The following NPIPB2 variants were observed in gnomAD, a reference collection of about 807,000 sequenced individuals.
NPIPB2 encodes nuclear pore complex interacting protein family member B2, also known as nuclear pore complex-interacting protein family member B2.
A neutral mutation model predicts 30.8 loss-of-function variants in NPIPB2; 27 were observed. The observed-to-expected ratio is 0.88, with a 90% confidence interval of 0.65 to 1.21. NPIPB2 has a LOEUF of 1.21. NPIPB2 is among the 50% of genes most tolerant of loss of function. The pLI, the probability that NPIPB2 is intolerant of heterozygous loss-of-function variation, is 0.00. For missense variants in NPIPB2, 440 were observed against 446.2 expected, an observed-to-expected ratio of 0.99 and a Z score of 0.13; for synonymous variants, 147 against 162.0, an observed-to-expected ratio of 0.91 and a Z score of 0.70.
At chr16:11,959,901 G>A (rs1258811403) in intron 1 of NPIPB2, among the ~76,000 whole-genome samples, 2 of 151,982 alleles carry the variant, frequency 1.3e-5, no homozygotes, top group East Asian at 1.9e-4. Context: ...TCAGCCTCCT[G>A]AGCAGCTGGG....
chr16:11,949,384 T>C (rs1439028060), intron 1 of NPIPB2, among the ~76,000 whole-genome samples: 3 of 152,134 alleles, frequency 2.0e-5, no homozygotes, highest in Non-Finnish European at 4.4e-5. Flanking sequence ...GCTACATAGC[T>C]GGTAGGAGGC....
At chr16:11,970,027 TA>T (rs776392970) in intron 1 of NPIPB2, among the ~76,000 whole-genome samples, 9 of 151,544 alleles carry the variant, frequency 5.9e-5, no homozygotes, top group Admixed American at 3.3e-4. Flanking sequence ...ACACCCGGCC[TA>T]TACTAACTCA....
At chr16:11,950,327 C>A (rs146964279) in intron 1 of NPIPB2, among the ~76,000 whole-genome samples, 1 of 152,134 alleles carries the variant, frequency 6.6e-6, no homozygotes, top group Non-Finnish European at 1.5e-5. Context: ...TGAGCCACCA[C>A]GCCTAGCCTA....
chr16:11,965,214 TTC>T lies in NPIPB2; in HGVS notation c.-584+11352_-584+11353del, dbSNP rs1394102059. ...CCCACGAAGCAGGCGAAGTTCATTG[TTC>T]TCAACATTCTAGCTGCTCTTGCTGC... On this transcript the variant is annotated intron_variant, in intron 1 of 5. Transcript: ENST00000538896. 6 of 1,449,978 alleles carry T rather than the reference TTC, an allele frequency of 4.1e-6. No individual in the cohort carries two copies. In the African/African-American group the frequency reaches 5.6e-5, roughly 14 times the overall value. 89.8% of individuals were successfully genotyped at this position (1,449,978 alleles called of 1,614,324 possible). A position where few individuals can be genotyped will look rare whatever the true frequency, so the allele number is the denominator to read the frequency against.
chr16:11,935,416 C>T (rs1343876566), intron 2 of NPIPB2, among the ~76,000 whole-genome samples: 1 of 152,038 alleles, frequency 6.6e-6, no homozygotes, highest in East Asian at 1.9e-4. Flanking sequence ...CAGATTCAAG[C>T]GATTCTTGTG....
At chr16:11,937,616 C>T (rs2054885970) in exon 2 of NPIPB2, 3 of 1,599,356 alleles carry the variant, frequency 1.9e-6, no homozygotes, top group Non-Finnish European at 2.5e-6. Context: ...TAACCAAGGA[C>T]TTCCACCAAA....
intron 1 of NPIPB2, among the ~76,000 whole-genome samples, chr16:11,971,360 C>G (rs1369353180): frequency 8.5e-6 from 1 of 117,526 alleles, no homozygotes; most frequent in East Asian, 2.9e-4. Context: ...TTTAGGGAGA[C>G]AAAAAGCATC....
intron 1 of NPIPB2, among the ~76,000 whole-genome samples, chr16:11,970,577 C>T (rs1342871337): frequency 6.6e-6 from 1 of 151,928 alleles, no homozygotes; most frequent in African/African-American, 2.4e-5. Context: ...CTCTTGTTGC[C>T]CAGGTTAGAG....
intron 1 of NPIPB2, chr16:11,941,742 T>G: frequency 3.5e-6 from 3 of 846,190 alleles, no homozygotes; most frequent in South Asian, 1.4e-5. Context: ...ACAATGGACA[T>G]GCCAAGTAGC....
intron 2 of NPIPB2, among the ~76,000 whole-genome samples, chr16:11,935,502 T>C (rs2054853471): frequency 6.6e-6 from 1 of 152,140 alleles, no homozygotes; most frequent in Non-Finnish European, 1.5e-5. Flanking sequence ...TTAGTAGAGA[T>C]GGGGTTTTAC....
intron 1 of NPIPB2, among the ~76,000 whole-genome samples, chr16:11,951,303 T>C (rs80218741): frequency 2.2e-5 from 3 of 139,430 alleles, no homozygotes; most frequent in Non-Finnish European, 4.7e-5. Context: ...AAAAAATATA[T>C]AAAAAAAAAA....
chr16:11,934,893 A>G (rs2054845081), intron 2 of NPIPB2, among the ~76,000 whole-genome samples: 1 of 148,458 alleles, frequency 6.7e-6, no homozygotes, highest in African/African-American at 2.5e-5. Flanking sequence ...AATATACTTC[A>G]CACAACTGAA....
At chr16:11,951,193 A>G (rs1413116179) in intron 1 of NPIPB2, among the ~76,000 whole-genome samples, 12 of 152,016 alleles carry the variant, frequency 7.9e-5, no homozygotes, top group African/African-American at 2.9e-4. Context: ...GCAGTGGCTC[A>G]TGCCTGTAAT....
At chr16:11,947,797 G>A (rs1043913809) in intron 1 of NPIPB2, among the ~76,000 whole-genome samples, 11 of 151,638 alleles carry the variant, frequency 7.3e-5, no homozygotes, top group African/African-American at 2.7e-4. Context: ...GGTGTGGCAT[G>A]GGGACTGGCT....
chr16:11,959,567 G>A (rs2055139243), intron 1 of NPIPB2, among the ~76,000 whole-genome samples: 1 of 151,372 alleles, frequency 6.6e-6, no homozygotes, highest in South Asian at 2.1e-4. Context: ...CTAACCGGGT[G>A]ACAGAGGGAG....
chr16:11,932,292 G>T (rs2054800395), intron 4 of NPIPB2, among the ~76,000 whole-genome samples: 1 of 151,866 alleles, frequency 6.6e-6, no homozygotes, highest in Admixed American at 6.6e-5. Context: ...TCATATGGCA[G>T]CAAAATACAA....
intron 1 of NPIPB2, among the ~76,000 whole-genome samples, chr16:11,975,880 C>T (rs1253001522): frequency 2.6e-5 from 4 of 151,944 alleles, no homozygotes; most frequent in Non-Finnish European, 5.9e-5. Context: ...AGGCATGAGT[C>T]ACCGCGTCCG....
chr16:11,961,551 G>A (rs540030986), intron 1 of NPIPB2, among the ~76,000 whole-genome samples: 8 of 152,128 alleles, frequency 5.3e-5, no homozygotes, highest in East Asian at 3.9e-4. Flanking sequence ...AGGCCGAGGC[G>A]GGCGAATCAC....
intron 1 of NPIPB2, chr16:11,967,270 G>A: frequency 3.2e-6 from 1 of 312,066 alleles, no homozygotes; most frequent in Non-Finnish European, 6.0e-6. Flanking sequence ...CCAAAGTGCT[G>A]GGATTACAGG....
Sources: allele counts gnomAD v4.1 joint callset (sites outside exome capture counted in the v4.1 genomes callset), GRCh38; gene constraint gnomAD v4.1.1; transcripts MANE v1.5; gene names NCBI Gene and HGNC (gene_info 2026-07-23, HGNC 2026-07-21).